Variants in DOP1A observed in about 807,000 individuals in gnomAD.
DOP1A encodes DOP1 leucine zipper like protein A, also known as protein DOP1A.
A neutral mutation model predicts 267.6 loss-of-function variants in DOP1A; 90 were observed. That is an observed-to-expected ratio of 0.34 (90% confidence interval 0.28 to 0.40). DOP1A has a LOEUF of 0.40. Ranked by LOEUF, DOP1A falls within the 10% of genes least tolerant of loss-of-function variation. The probability of loss-of-function intolerance (pLI) is 1.00; values close to 1 mark genes in which losing one functional copy is unlikely to be tolerated. For synonymous variants in DOP1A, 932 were observed against 999.1 expected (o/e 0.93, Z 1.27); for missense variants, 2,437 against 2,900.4 (o/e 0.84, Z 3.67).
intron 1 of DOP1A, among the ~76,000 whole-genome samples, chr6:83,069,302 G>A (rs955021271): frequency 1.1e-4 from 17 of 152,090 alleles, no homozygotes; most frequent in Admixed American, 1.0e-3. Flanking sequence ...AAATAATTTG[G>A]GAGCACACTA....
At chr6:83,151,752 C>A in intron 28 of DOP1A, 93 bp downstream of exon 28, 1 of 1,434,624 alleles carries the variant, frequency 7.0e-7, no homozygotes, top group Non-Finnish European at 9.5e-7. Flanking sequence ...AAGTTTCTTT[C>A]AACTCTGAAC....
chr6:83,113,412 CAT>C lies in DOP1A; in HGVS notation c.772_773del (p.Met258GlufsTer38). ...DLILFCFPFHMSQATRPDMIR... is the reference protein window; with the variant it reads ...DLILFCFPFHXSQATRPDMIR... ...TCATACTCTTCTGTTTTCCATTCCACATGAGTCAGGTAAAATATTAACGCCGA... is the reference window on the plus strand; with the variant it reads ...TCATACTCTTCTGTTTTCCATTCCACGAGTCAGGTAAAATATTAACGCCGA... On this transcript the variant is annotated frameshift_variant, in exon 7 of 39. Transcript: ENST00000349129. LOFTEE classifies it high-confidence loss of function. 1.9e-6 allele frequency: 3 copies of C among 1,613,418 alleles called. No homozygotes were observed. Among genetic ancestry groups the C allele is most frequent in the East Asian group, 2.2e-5 (1 of 44,808 alleles).
intron 36 of DOP1A, 59 bp downstream of exon 36, chr6:83,158,681 A>G (rs773136122): frequency 4.5e-5 from 53 of 1,165,322 alleles, no homozygotes; most frequent in Non-Finnish European, 5.7e-5. Flanking sequence ...ATTATTCAGA[A>G]TATTACTCAG....
Position 83,099,724 on chromosome 6 carries a change from ATAT to A in DOP1A, c.139-980_139-978del, listed in dbSNP as rs964827345. On this transcript the variant is annotated intron_variant, in intron 3 of 38. Transcript: ENST00000349129. ...TGTGTGTGTGTATATACATATATATATATATATACACACGTATACATATATATA... is the reference window on the plus strand; with the variant it reads ...TGTGTGTGTGTATATACATATATATAATATACACACGTATACATATATATA... Among the ~76,000 whole-genome samples, 3 of 146,236 alleles carry A rather than the reference ATAT, an allele frequency of 2.1e-5. No individual in the cohort carries two copies. In the South Asian group the frequency reaches 6.2e-4, roughly 30 times the overall value.
rs200828896 is a variant in DOP1A at position 83,139,960 on chromosome 6, A to G, written c.5121-40A>G. ...CTAGTGATAAAATATGAACTATACT[A>G]TCATAAAACTTGTGTTTAAATGAAT... On this transcript the variant is annotated intron_variant, in intron 21 of 38. Transcript: ENST00000349129. 4.0e-4 allele frequency: 543 copies of G among 1,365,150 alleles called. 2 individuals are homozygous for G. Among genetic ancestry groups the G allele is most frequent in the Middle Eastern group, 1.4e-3 (8 of 5,540 alleles). 84.6% of individuals were successfully genotyped at this position (1,365,150 alleles called of 1,614,324 possible).
chr6:83,078,545 G>A (rs73752513), intron 1 of DOP1A, among the ~76,000 whole-genome samples: 6,739 of 152,210 alleles, frequency 0.044, 289 homozygotes, highest in African/African-American at 0.095. Context: ...AAATGAAATC[G>A]CACAAGTACA....
intron 8 of DOP1A, among the ~76,000 whole-genome samples, chr6:83,119,343 A>G (rs1775972166): frequency 6.6e-6 from 1 of 152,094 alleles, no homozygotes; most frequent in Admixed American, 6.5e-5. Flanking sequence ...GACTAGTACC[A>G]TTGTCTTACA....
chr6:83,088,550 G>A (rs952001150), intron 1 of DOP1A, among the ~76,000 whole-genome samples: 15 of 150,664 alleles, frequency 1.0e-4, no homozygotes, highest in African/African-American at 2.7e-4. Context: ...ACCCTCCCCA[G>A]TAGCTGGGAT....
At chr6:83,071,076 A>G (rs1008863360) in intron 1 of DOP1A, among the ~76,000 whole-genome samples, 3 of 152,262 alleles carry the variant, frequency 2.0e-5, no homozygotes, top group African/African-American at 7.2e-5. Flanking sequence ...TATTGCCTGC[A>G]GGAGGCTCTA....
chr6:83,134,117 C>A, intron 18 of DOP1A, 70 bp from the exon 19 acceptor site: 3 of 1,326,144 alleles, frequency 2.3e-6, no homozygotes, highest in Non-Finnish European at 2.1e-6. Flanking sequence ...AAATAGTACT[C>A]TGATTTTACT....
chr6:83,110,392 T>A, intron 6 of DOP1A, 78 bp downstream of exon 6: 4 of 1,376,136 alleles, frequency 2.9e-6, no homozygotes, highest in Non-Finnish European at 3.9e-6. Context: ...ATATTGAGGA[T>A]TGTATAATGA....
At chr6:83,070,985 G>C (rs543453664) in intron 1 of DOP1A, among the ~76,000 whole-genome samples, 2 of 152,298 alleles carry the variant, frequency 1.3e-5, no homozygotes, top group East Asian at 3.9e-4. Flanking sequence ...TAAAAAGCAG[G>C]TGGCACTTGC....
chr6:83,092,386 T>C (rs1453169132), intron 1 of DOP1A, among the ~76,000 whole-genome samples: 2 of 152,188 alleles, frequency 1.3e-5, no homozygotes, highest in Non-Finnish European at 2.9e-5. Context: ...GAAAATTGCA[T>C]AGCAAATCCT....
At chr6:83,162,696 G>A in intron 37 of DOP1A, 94 bp from the exon 38 acceptor site, 1 of 1,375,296 alleles carries the variant, frequency 7.3e-7, no homozygotes, top group Non-Finnish European at 9.7e-7. Context: ...TTTATAAGCA[G>A]TGGGGTCATG....
chr6:83,100,711 C>T lies in DOP1A; in HGVS notation c.145C>T (p.Gln49Ter). ...SALGKLNKVL[Q>*]NNAKYQVVPK... ...TTAAAATGCTTTCTTCAAGGTTTTA[C>T]AAAATAATGCAAAGTACCAAGTAGT... Residue 49 changes from glutamine (Q) to a stop codon, truncating the protein, a stop_gained, in exon 4 of 39, where the codon CAA becomes TAA. Coordinates refer to ENST00000349129, the MANE Select transcript of DOP1A (RefSeq NM_015018.4). LOFTEE classifies it high-confidence loss of function. 6.8e-7 allele frequency: 1 copy of T among 1,465,404 alleles called. No individual in the cohort carries two copies. The highest frequency in any genetic ancestry group is 2.5e-5 in the East Asian group (1 of 40,650). 90.8% of individuals were successfully genotyped at this position (1,465,404 alleles called of 1,614,324 possible). A position where few individuals can be genotyped will look rare whatever the true frequency, so the allele number is the denominator to read the frequency against.
At chr6:83,080,923 C>T (rs539300485) in intron 1 of DOP1A, among the ~76,000 whole-genome samples, 2 of 152,164 alleles carry the variant, frequency 1.3e-5, no homozygotes, top group South Asian at 2.1e-4. Flanking sequence ...TTTTGTGGAA[C>T]CACAAAAGAC....
intron 1 of DOP1A, among the ~76,000 whole-genome samples, chr6:83,095,698 C>T (rs1021766591): frequency 4.6e-5 from 7 of 152,176 alleles, no homozygotes; most frequent in African/African-American, 1.4e-4. Flanking sequence ...CTGTAGGTCT[C>T]GAATTTGAGA....
chr6:83,100,191 G>A (rs1772306267), intron 3 of DOP1A, among the ~76,000 whole-genome samples: 1 of 151,984 alleles, frequency 6.6e-6, no homozygotes, highest in African/African-American at 2.4e-5. Flanking sequence ...AAAACAAATG[G>A]GCAATGATAA....
intron 1 of DOP1A, among the ~76,000 whole-genome samples, chr6:83,068,277 A>G (rs1369353458): frequency 2.0e-5 from 3 of 152,224 alleles, no homozygotes; most frequent in East Asian, 3.9e-4. Context: ...CGTGGGGCTT[A>G]GAAAGGAGTA....
Sources: allele counts gnomAD v4.1 joint callset (sites outside exome capture counted in the v4.1 genomes callset), GRCh38; gene constraint gnomAD v4.1.1; transcripts MANE v1.5; gene names NCBI Gene and HGNC (gene_info 2026-07-23, HGNC 2026-07-21).